The following KCNJ11 variants were observed in gnomAD, a reference collection of about 807,000 sequenced individuals.
The protein encoded by KCNJ11 is potassium inwardly rectifying channel subfamily J member 11.
Under a neutral mutation model 17.3 loss-of-function variants are expected in KCNJ11, and 12 were observed. That is an observed-to-expected ratio of 0.69 (90% confidence interval 0.44 to 1.12). KCNJ11 has a LOEUF of 1.12. KCNJ11 is among the 50% of genes most tolerant of loss of function. The probability of loss-of-function intolerance (pLI) is 0.00; values close to 1 mark genes in which losing one functional copy is unlikely to be tolerated. For synonymous variants in KCNJ11, 211 were observed against 223.4 expected, an observed-to-expected ratio of 0.94 and a Z score of 0.50; for missense variants, 386 against 554.1, an observed-to-expected ratio of 0.70 and a Z score of 3.05.
rs950320874 is a variant in KCNJ11 at position 17,388,406 on chromosome 11, C to T, written c.-315G>A. On this transcript the variant is annotated 5_prime_UTR_variant, in exon 1 of 1. Transcript: ENST00000339994. Reference sequence around the variant, plus strand: ...ACCAGCCTGACCAACATGGTGAAACCCCATCTCTACTAAAAATACAAAAGT... The same window carrying T: ...ACCAGCCTGACCAACATGGTGAAACTCCATCTCTACTAAAAATACAAAAGT... The T allele has an allele frequency of 2.6e-6, 1 of 383,544 alleles. No individual in the cohort carries two copies. Among genetic ancestry groups the T allele is most frequent in the African/African-American group, 2.0e-5 (1 of 49,154 alleles). 23.8% of individuals were successfully genotyped at this position (383,544 alleles called of 1,614,324 possible).
Position 17,386,720 on chromosome 11 carries a change from A to C in KCNJ11, c.*199T>G. On this transcript the variant is annotated 3_prime_UTR_variant, in exon 1 of 1. Coordinates refer to ENST00000339994, the MANE Select transcript of KCNJ11 (RefSeq NM_000525.4). ...GCCAGTCCTGAATTGGGTTGGGAGGAGCAGGGACAAAAATAACCCAGTACA... is the reference window on the plus strand; with the variant it reads ...GCCAGTCCTGAATTGGGTTGGGAGGCGCAGGGACAAAAATAACCCAGTACA... 1.7e-6 allele frequency: 1 copy of C among 586,620 alleles called. No homozygotes were observed. Among genetic ancestry groups the C allele is most frequent in the Non-Finnish European group, 3.0e-6 (1 of 331,836 alleles). 36.3% of individuals were successfully genotyped at this position (586,620 alleles called of 1,614,324 possible). A position where few individuals can be genotyped will look rare whatever the true frequency, so the allele number is the denominator to read the frequency against.
chr11:17,388,144 C>T lies in KCNJ11; in HGVS notation c.-53G>A, dbSNP rs1367437447. 1.1e-5 allele frequency: 17 copies of T among 1,563,852 alleles called. No homozygotes were observed. Among genetic ancestry groups the T allele is most frequent in the South Asian group, 3.4e-5 (3 of 89,420 alleles). ...TCCCCCATCGGAGGCACCCCTCGGA[C>T]GTGGCCTAGGGCCTCACTGCAGAGT... is the stretch of plus-strand genomic sequence containing the variant. On this transcript the variant is annotated 5_prime_UTR_variant, in exon 1 of 1. Coordinates refer to ENST00000339994, the MANE Select transcript of KCNJ11 (RefSeq NM_000525.4).
chr11:17,388,917 C>G, upstream of KCNJ11: 2 of 453,192 alleles, frequency 4.4e-6, no homozygotes, highest in Non-Finnish European at 8.9e-6. Flanking sequence ...AGGTGCGCCC[C>G]CTATGTCCTA....
Position 17,388,137 on chromosome 11 carries a change from C to T in KCNJ11, c.-46G>A, listed in dbSNP as rs756707717. On this transcript the variant is annotated 5_prime_UTR_variant, in exon 1 of 1. Transcript: ENST00000339994. ...AGGGGCTTCCCCCATCGGAGGCACC[C>T]CTCGGACGTGGCCTAGGGCCTCACT... 3.2e-6 allele frequency: 5 copies of T among 1,580,528 alleles called. No individual in the cohort carries two copies. In the Admixed American group the frequency reaches 5.0e-5, roughly 16 times the overall value.
In KCNJ11 at chr11:17,387,332, G is replaced by A; in HGVS notation, c.760C>T (p.Pro254Ser). The A allele has an allele frequency of 6.2e-7, 1 of 1,614,152 alleles. No homozygotes were observed. The highest frequency in any genetic ancestry group is 8.5e-7 in the Non-Finnish European group (1 of 1,180,026). Residue 254 changes from proline to serine, a missense_variant, in exon 1 of 1, where the codon CCG becomes TCG. Physicochemically the swap from Pro to Ser is moderately conservative, Grantham distance 74. Coordinates refer to ENST00000339994, the MANE Select transcript of KCNJ11 (RefSeq NM_000525.4). ...TCAATGACATGGTAGATGATCAGCGGGGCCACCAGGAAGATGCTGTTGCCA... is the reference window on the plus strand; with the variant it reads ...TCAATGACATGGTAGATGATCAGCGAGGCCACCAGGAAGATGCTGTTGCCA... ...VGGNSIFLVA[P>S]LIIYHVIDAN...
rs1953573574 is a variant in KCNJ11 at position 17,387,177 on chromosome 11, C to T, written c.915G>A (p.Leu305=). 6.2e-7 allele frequency: 1 copy of T among 1,614,228 alleles called. No homozygotes were observed. Among genetic ancestry groups the T allele is most frequent in the Non-Finnish European group, 8.5e-7 (1 of 1,180,048 alleles). Residue 305 remains leucine, a synonymous_variant, in exon 1 of 1, where the codon CTG becomes CTA. Coordinates refer to ENST00000339994, the MANE Select transcript of KCNJ11 (RefSeq NM_000525.4). The part of the protein sequence containing the change: ...GITTQARTSY[L]ADEILWGQRF... ...GCTGGCCCCACAGGATCTCATCGGC[C>T]AGGTAGGAGGTGCGGGCCTGGGTGG... is the stretch of plus-strand genomic sequence containing the variant.
At position 17,386,772 on chromosome 11, in the gene KCNJ11, T is replaced by C. The variant is rs954140618; in HGVS notation, c.*147A>G. 8.8e-6 allele frequency: 6 copies of C among 680,550 alleles called. No individual in the cohort carries two copies. Among genetic ancestry groups the C allele is most frequent in the Non-Finnish European group, 1.5e-5 (6 of 404,212 alleles). The allele number at this position is 680,550 out of a possible 1,614,324, so 42.2% of individuals were successfully genotyped here. ...GTTCCTGCTGAGGCCAGAAATAGCA[T>C]AGTGACAAGTGCCTTGTAACACCCT... On this transcript the variant is annotated 3_prime_UTR_variant, in exon 1 of 1. Coordinates refer to ENST00000339994, the MANE Select transcript of KCNJ11 (RefSeq NM_000525.4).
rs1472459470 is a variant in KCNJ11, at chr11:17,386,246, G to C, written c.*673C>G. 6.6e-6 allele frequency: 1 copy of C among 152,408 alleles called. No homozygotes were observed. The highest frequency in any genetic ancestry group is 1.5e-5 in the Non-Finnish European group (1 of 68,180). 9.4% of individuals were successfully genotyped at this position (152,408 alleles called of 1,614,324 possible). ...ACGAGGCCGATGTGGCAAAAGGCAG[G>C]AGCCCTGGCATCTCCTCCTCCCTGT... On this transcript the variant is annotated 3_prime_UTR_variant, in exon 1 of 1. Coordinates refer to ENST00000339994, the MANE Select transcript of KCNJ11 (RefSeq NM_000525.4).
Position 17,387,222 on chromosome 11 carries a change from C to G in KCNJ11, c.870G>C (p.Val290=), listed in dbSNP as rs201379919. Residue 290 remains valine (V), a synonymous_variant, in exon 1 of 1, where the codon GTG becomes GTC. Transcript: ENST00000339994. ...DLEIIVILEG[V]VETTGITTQA... is the part of the protein sequence containing the mutation. ...GGGTGGTGATGCCCGTGGTTTCCACCACGCCTTCCAGGATGACGATGATCT... is the reference window on the plus strand; with the variant it reads ...GGGTGGTGATGCCCGTGGTTTCCACGACGCCTTCCAGGATGACGATGATCT... 6.2e-7 allele frequency: 1 copy of G among 1,614,192 alleles called. No homozygotes were observed. The highest frequency in any genetic ancestry group is 8.5e-7 in the Non-Finnish European group (1 of 1,180,038).
Position 17,388,047 on chromosome 11 carries a change from T to A in KCNJ11, c.45A>T (p.Thr15=), listed in dbSNP as rs746264957. Residue 15 remains threonine, a synonymous_variant, in exon 1 of 1, where the codon ACA becomes ACT. Coordinates refer to ENST00000339994, the MANE Select transcript of KCNJ11 (RefSeq NM_000525.4). ...KGIIPEEYVL[T]RLAEDPAKPR... ...GCTTGGCAGGGTCCTCTGCCAGGCG[T>A]GTCAGCACGTATTCCTCGGGGATGA... 2.5e-6 allele frequency: 4 copies of A among 1,613,126 alleles called. No individual in the cohort carries two copies. Among genetic ancestry groups the A allele is most frequent in the Non-Finnish European group, 3.4e-6 (4 of 1,179,974 alleles).
At position 17,387,190 on chromosome 11, in the gene KCNJ11, C is replaced by T. The variant is rs74339576; in HGVS notation, c.902G>A (p.Arg301His). Reference protein sequence around the residue: ...VETTGITTQARTSYLADEILW... With the variant: ...VETTGITTQAHTSYLADEILW... ...GATCTCATCGGCCAGGTAGGAGGTG[C>T]GGGCCTGGGTGGTGATGCCCGTGGT... Residue 301 changes from arginine to histidine, a missense_variant, in exon 1 of 1, where the codon CGC (arginine) becomes CAC (histidine). Coordinates refer to ENST00000339994, the MANE Select transcript of KCNJ11 (RefSeq NM_000525.4). The T allele has an allele frequency of 8.1e-6, 13 of 1,614,076 alleles. No individual in the cohort carries two copies. Among genetic ancestry groups the T allele is most frequent in the Admixed American group, 3.3e-5 (2 of 60,008 alleles).
upstream of KCNJ11, chr11:17,388,662 C>A: frequency 2.8e-6 from 1 of 360,388 alleles, no homozygotes; most frequent in Non-Finnish European, 5.9e-6. Context: ...ACCCTGCCGG[C>A]TCTCCACCTG....
Position 17,386,973 on chromosome 11 carries a change from C to T in KCNJ11, c.1119G>A (p.Val373=). Residue 373 remains valine, a synonymous_variant, in exon 1 of 1, where the codon GTG becomes GTA. Transcript: ENST00000339994. ...ACTTGGGCTTGGCCTTGGCCATGGG[C>T]ACGCTGCGCTTGCGCAGGGGCCCGC... ...SARGPLRKRS[V]PMAKAKPKFS... is the part of the protein sequence containing the mutation. 2 of 1,613,366 alleles carry T rather than the reference C, an allele frequency of 1.2e-6. No homozygotes were observed. The highest frequency in any genetic ancestry group is 1.7e-6 in the Non-Finnish European group (2 of 1,179,590).
chr11:17,386,646 C>T lies in KCNJ11; in HGVS notation c.*273G>A, dbSNP rs1246103947. The T allele has an allele frequency of 4.1e-6, 2 of 484,072 alleles. No individual in the cohort carries two copies. Among genetic ancestry groups the T allele is most frequent in the East Asian group, 6.9e-5 (2 of 28,874 alleles). 30.0% of individuals were successfully genotyped at this position (484,072 alleles called of 1,614,324 possible). On this transcript the variant is annotated 3_prime_UTR_variant, in exon 1 of 1. Transcript: ENST00000339994. ...ACTGGCTGGACGCACAGCTCTAGGG[C>T]CCAGTACCTCCCACAGCCTCTGCAG...
rs1953602437 is a variant in KCNJ11, at chr11:17,388,580, A to G, written c.-489T>C. 3.4e-6 allele frequency: 1 copy of G among 295,926 alleles called. No homozygotes were observed. The highest frequency in any genetic ancestry group is 6.8e-6 in the Non-Finnish European group (1 of 148,098). 18.3% of individuals were successfully genotyped at this position (295,926 alleles called of 1,614,324 possible). ...GGGCGACAGAGCGAGACTCCGTCTC[A>G]AAAACAAAAAACAAAACAAAAAAAA... On this transcript the variant is annotated 5_prime_UTR_variant, in exon 1 of 1. Coordinates refer to ENST00000339994, the MANE Select transcript of KCNJ11 (RefSeq NM_000525.4).
chr11:17,387,402 C>A lies in KCNJ11; in HGVS notation c.690G>T (p.Val230=). 1 of 1,614,012 alleles carries A rather than the reference C, an allele frequency of 6.2e-7. No homozygotes were observed. Among genetic ancestry groups the A allele is most frequent in the Non-Finnish European group, 8.5e-7 (1 of 1,180,024 alleles). ...VRKTTSPEGE[V]VPLHQVDIPM... is the part of the protein sequence containing the mutation. ...GGATGTCCACCTGGTGGAGGGGCAC[C>A]ACCTCGCCCTCGGGGCTGGTGGTCT... Residue 230 remains valine (V), a synonymous_variant, in exon 1 of 1, where the codon GTG becomes GTT. Transcript: ENST00000339994.
rs746850899 is a variant in KCNJ11 at position 17,386,879 on chromosome 11, G to A, written c.*40C>T. On this transcript the variant is annotated 3_prime_UTR_variant, in exon 1 of 1. Coordinates refer to ENST00000339994, the MANE Select transcript of KCNJ11 (RefSeq NM_000525.4). ...GGCCGGGCTACATACCACATGGTCCGTGTGTACACACGCGTGTGGGGGGCC... is the reference window on the plus strand; with the variant it reads ...GGCCGGGCTACATACCACATGGTCCATGTGTACACACGCGTGTGGGGGGCC... 60 of 1,566,332 alleles carry A rather than the reference G, an allele frequency of 3.8e-5. No homozygotes were observed. The highest frequency in any genetic ancestry group is 2.5e-4 in the East Asian group (11 of 44,490).
chr11:17,386,691 G>A lies in KCNJ11; in HGVS notation c.*228C>T. 1 of 560,606 alleles carries A rather than the reference G, an allele frequency of 1.8e-6. No homozygotes were observed. Among genetic ancestry groups the A allele is most frequent in the Non-Finnish European group, 3.2e-6 (1 of 314,576 alleles). The allele number at this position is 560,606 out of a possible 1,614,324, so 34.7% of individuals were successfully genotyped here. A position where few individuals can be genotyped will look rare whatever the true frequency, so the allele number is the denominator to read the frequency against. ...CTGCAGCCTTGGGCGGGGGAGAGGGGTGAGCCAGTCCTGAATTGGGTTGGG... is the reference window on the plus strand; with the variant it reads ...CTGCAGCCTTGGGCGGGGGAGAGGGATGAGCCAGTCCTGAATTGGGTTGGG... On this transcript the variant is annotated 3_prime_UTR_variant, in exon 1 of 1. Transcript: ENST00000339994.
In KCNJ11 at chr11:17,386,718, G is replaced by A; in HGVS notation, c.*201C>T. Reference sequence around the variant, plus strand: ...GAGCCAGTCCTGAATTGGGTTGGGAGGAGCAGGGACAAAAATAACCCAGTA... The same window carrying A: ...GAGCCAGTCCTGAATTGGGTTGGGAAGAGCAGGGACAAAAATAACCCAGTA... On this transcript the variant is annotated 3_prime_UTR_variant, in exon 1 of 1. Coordinates refer to ENST00000339994, the MANE Select transcript of KCNJ11 (RefSeq NM_000525.4). The A allele has an allele frequency of 1.7e-6, 1 of 589,054 alleles. No homozygotes were observed. Among genetic ancestry groups the A allele is most frequent in the Non-Finnish European group, 3.0e-6 (1 of 333,142 alleles). 36.5% of individuals were successfully genotyped at this position (589,054 alleles called of 1,614,324 possible).
Sources: gnomAD v4.1 joint callset for allele counts on GRCh38, gnomAD v4.1.1 for gene constraint, MANE v1.5 for transcripts, NCBI Gene and HGNC (gene_info 2026-07-23, HGNC 2026-07-21) for gene names.